Variants in NBEA observed in about 807,000 individuals in gnomAD.
The protein encoded by NBEA is neurobeachin, also known as lysosomal-trafficking regulator 2.
NBEA carries 44 observed loss-of-function variants against 343.4 expected under a neutral mutation model. The ratio of observed to expected loss-of-function variants is 0.13; its 90% CI spans 0.10 to 0.16. NBEA has a LOEUF of 0.16. Ranked by LOEUF, NBEA falls within the 10% of genes least tolerant of loss-of-function variation. The probability of loss-of-function intolerance (pLI) is 1.00; values close to 1 mark genes in which losing one functional copy is unlikely to be tolerated. For synonymous variants in NBEA, 1,175 were observed against 1,238.7 expected, an observed-to-expected ratio of 0.95 and a Z score of 1.08; for missense variants, 2,555 against 3,631.3, an observed-to-expected ratio of 0.70 and a Z score of 7.62.
intron 18 of NBEA, among the ~76,000 whole-genome samples, chr13:35,148,949 G>C (rs969913200): frequency 6.6e-6 from 1 of 152,104 alleles, no homozygotes; most frequent in Admixed American, 6.5e-5. Flanking sequence ...TCTGACCCCT[G>C]CTCTATAATA....
At chr13:35,586,521 C>A (rs938384185) in intron 46 of NBEA, among the ~76,000 whole-genome samples, 1 of 152,152 alleles carries the variant, frequency 6.6e-6, no homozygotes, top group African/African-American at 2.4e-5. Context: ...AGACATAAAA[C>A]TATTTTTAGA....
intron 1 of NBEA, among the ~76,000 whole-genome samples, chr13:35,009,763 C>T (rs1178377030): frequency 6.6e-6 from 1 of 152,094 alleles, no homozygotes; most frequent in Non-Finnish European, 1.5e-5. Context: ...GAGACACCAC[C>T]TGGAGATTTT....
intron 34 of NBEA, among the ~76,000 whole-genome samples, chr13:35,272,932 T>TA (rs1166674383): frequency 7.9e-5 from 12 of 152,244 alleles, no homozygotes; most frequent in Admixed American, 7.9e-4. Context: ...CTGTCAATAT[T>TA]AGACAGATCA....
At chr13:35,029,027 A>G (rs983058202) in intron 1 of NBEA, among the ~76,000 whole-genome samples, 2 of 151,620 alleles carry the variant, frequency 1.3e-5, no homozygotes, top group Non-Finnish European at 1.5e-5. Flanking sequence ...TTAATAATTA[A>G]GACTGTAGTA....
At chr13:34,949,731 A>C (rs1275553747) in intron 1 of NBEA, among the ~76,000 whole-genome samples, 1 of 151,916 alleles carries the variant, frequency 6.6e-6, no homozygotes, top group East Asian at 1.9e-4. Context: ...TATTAATTAG[A>C]AGTTATAGTT....
At chr13:34,982,966 A>AT (rs1373519329) in intron 1 of NBEA, among the ~76,000 whole-genome samples, 1 of 152,148 alleles carries the variant, frequency 6.6e-6, no homozygotes, top group Non-Finnish European at 1.5e-5. Flanking sequence ...ATTCTTAGCA[A>AT]TTGTGTGCAC....
intron 36 of NBEA, among the ~76,000 whole-genome samples, chr13:35,327,632 GGA>G (rs1491465964): frequency 2.0e-5 from 3 of 151,880 alleles, no homozygotes; most frequent in African/African-American, 7.2e-5. Flanking sequence ...ACTTGAGGAG[GGA>G]GAGAGAGCAG....
chr13:35,530,769 G>A (rs906206124), intron 41 of NBEA, among the ~76,000 whole-genome samples: 1 of 152,190 alleles, frequency 6.6e-6, no homozygotes, highest in Non-Finnish European at 1.5e-5. Context: ...ACAATCTTGG[G>A]ACTTGTGATA....
chr13:35,340,702 C>A (rs947397772), intron 36 of NBEA, among the ~76,000 whole-genome samples: 1 of 151,748 alleles, frequency 6.6e-6, no homozygotes, highest in African/African-American at 2.4e-5. Context: ...TCATCAAAAA[C>A]CACAACATTA....
intron 49 of NBEA, among the ~76,000 whole-genome samples, chr13:35,645,156 T>C (rs1023636344): frequency 6.6e-6 from 1 of 152,352 alleles, no homozygotes; most frequent in African/African-American, 2.4e-5. Context: ...AGATTAGTGG[T>C]GGTGCTATGT....
At chr13:34,991,912 A>T (rs1384400397) in intron 1 of NBEA, among the ~76,000 whole-genome samples, 2 of 150,132 alleles carry the variant, frequency 1.3e-5, no homozygotes, top group African/African-American at 4.9e-5. Flanking sequence ...TTTAAAGGAT[A>T]TATTTTGGGT....
intron 55 of NBEA, among the ~76,000 whole-genome samples, chr13:35,657,529 A>G (rs915248838): frequency 6.6e-6 from 1 of 152,198 alleles, no homozygotes; most frequent in Non-Finnish European, 1.5e-5. Context: ...TAGTATGCCT[A>G]TGTATGCGTA....
chr13:35,406,238 A>T (rs1594511377), intron 38 of NBEA, among the ~76,000 whole-genome samples: 1 of 151,680 alleles, frequency 6.6e-6, no homozygotes, highest in Non-Finnish European at 1.5e-5. Flanking sequence ...TATACTCATT[A>T]TACTAAATTT....
chr13:35,207,476 T>C (rs2073472112), intron 31 of NBEA, among the ~76,000 whole-genome samples: 1 of 152,164 alleles, frequency 6.6e-6, no homozygotes, highest in Non-Finnish European at 1.5e-5. Context: ...GAGTAAGGTT[T>C]GGAAGATATT....
At chr13:35,573,803 T>C (rs10507425) in intron 45 of NBEA, among the ~76,000 whole-genome samples, 9,594 of 152,278 alleles carry the variant, frequency 0.063, 1,028 homozygotes, top group African/African-American at 0.22. Context: ...AAAGAGAGCC[T>C]GCTTTATGCA....
intron 38 of NBEA, among the ~76,000 whole-genome samples, chr13:35,424,248 C>G (rs2044496649): frequency 6.6e-6 from 1 of 152,126 alleles, no homozygotes; most frequent in African/African-American, 2.4e-5. Flanking sequence ...GGGAATGCTT[C>G]CAGTTTTTGC....
At position 35,433,784 on chromosome 13, in the gene NBEA, A is replaced by T. The variant is rs926128124; in HGVS notation, c.6304+1391A>T. Among the ~76,000 whole-genome samples, 18 of 152,080 alleles carry T rather than the reference A, an allele frequency of 1.2e-4. 2 individuals are homozygous for T. Among genetic ancestry groups the T allele is most frequent in the Admixed American group, 1.2e-3 (18 of 15,262 alleles). Reference sequence around the variant, plus strand: ...CCTCTAAGGATTTGATACCAACTCAAAATGAGTTATCATTATGATCTTGTA... The same window carrying T: ...CCTCTAAGGATTTGATACCAACTCATAATGAGTTATCATTATGATCTTGTA... On this transcript the variant is annotated intron_variant, in intron 39 of 58. Coordinates refer to ENST00000379939, the MANE Select transcript of NBEA (RefSeq NM_001385012.1).
At chr13:35,569,525 T>C (rs908722496) in intron 45 of NBEA, among the ~76,000 whole-genome samples, 4 of 152,230 alleles carry the variant, frequency 2.6e-5, no homozygotes, top group Admixed American at 1.3e-4. Flanking sequence ...AGGAAACTTA[T>C]AGACTGAAGC....
intron 23 of NBEA, 41 bp from the exon 24 acceptor site, chr13:35,164,315 A>G: frequency 6.6e-7 from 1 of 1,517,972 alleles, no homozygotes; most frequent in Non-Finnish European, 8.8e-7. Flanking sequence ...TTTTCATTTA[A>G]GTAAGCCAAA....
Sources: gnomAD v4.1 joint callset for allele counts (sites outside exome capture counted in the v4.1 genomes callset) on GRCh38, gnomAD v4.1.1 for gene constraint, MANE v1.5 for transcripts, NCBI Gene and HGNC (gene_info 2026-07-23, HGNC 2026-07-21) for gene names.